Variants in NRXN1 observed in about 807,000 individuals in gnomAD.
NRXN1 encodes neurexin 1.
A neutral mutation model predicts 150.9 loss-of-function variants in NRXN1; 39 were observed. The ratio of observed to expected loss-of-function variants is 0.26; its 90% CI spans 0.20 to 0.34. The LOEUF is 0.34. Ranked by LOEUF, NRXN1 falls within the 10% of genes least tolerant of loss-of-function variation. NRXN1 has a pLI of 1.00. For missense variants in NRXN1, 1,815 were observed against 1,949.9 expected, an observed-to-expected ratio of 0.93 and a Z score of 1.30; for synonymous variants, 924 against 757.0, an observed-to-expected ratio of 1.22 and a Z score of -3.62.
intron 5 of NRXN1, among the ~76,000 whole-genome samples, chr2:50,786,603 G>C (rs535747661): frequency 1.3e-5 from 2 of 152,250 alleles, no homozygotes; most frequent in African/African-American, 4.8e-5. Flanking sequence ...GAACTGGTAA[G>C]TAGATTATTC....
chr2:50,511,792 A>G (rs890005051), intron 12 of NRXN1, among the ~76,000 whole-genome samples: 8 of 152,098 alleles, frequency 5.3e-5, no homozygotes, highest in African/African-American at 1.7e-4. Flanking sequence ...GGATAGAGAG[A>G]GAGACACACA....
At chr2:50,457,352 G>C (rs1573048563) in intron 17 of NRXN1, among the ~76,000 whole-genome samples, 1 of 152,096 alleles carries the variant, frequency 6.6e-6, no homozygotes, top group Non-Finnish European at 1.5e-5. Context: ...GGGAATTTCA[G>C]TTGCATTATT....
chr2:50,550,305 C>A (rs1249025665), intron 9 of NRXN1, among the ~76,000 whole-genome samples: 4 of 152,088 alleles, frequency 2.6e-5, no homozygotes, highest in African/African-American at 9.7e-5. Flanking sequence ...CGGCTCACTG[C>A]AGCCTGGAAC....
At chr2:50,321,209 A>G (rs2076016266) in intron 17 of NRXN1, among the ~76,000 whole-genome samples, 1 of 152,170 alleles carries the variant, frequency 6.6e-6, no homozygotes, top group Non-Finnish European at 1.5e-5. Flanking sequence ...AAACCAGACT[A>G]AGTATCCTGG....
intron 5 of NRXN1, among the ~76,000 whole-genome samples, chr2:50,898,017 G>T (rs73930224): frequency 6.6e-6 from 1 of 152,080 alleles, no homozygotes; most frequent in Non-Finnish European, 1.5e-5. Context: ...AAAATTACAG[G>T]ACAAGTTTAG....
At chr2:50,765,367 A>T (rs1271014652) in intron 5 of NRXN1, among the ~76,000 whole-genome samples, 1 of 152,048 alleles carries the variant, frequency 6.6e-6, no homozygotes, top group Non-Finnish European at 1.5e-5. Flanking sequence ...CCTCTCAGAC[A>T]TCAGGAAGAC....
Position 50,196,299 on chromosome 2 carries a change from A to C in NRXN1, c.3546+40490T>G, listed in dbSNP as rs118140491. ...TGGGGTTCTAATTTCTATAGCTGAGAAATGCCTTTTAGATGCCCTTGTTCT... is the reference window on the plus strand; with the variant it reads ...TGGGGTTCTAATTTCTATAGCTGAGCAATGCCTTTTAGATGCCCTTGTTCT... On this transcript the variant is annotated intron_variant, in intron 18 of 22. Transcript: ENST00000401669. 1.1e-4 allele frequency among the ~76,000 whole-genome samples: 17 copies of C among 152,272 alleles called. No homozygotes were observed. In the East Asian group the frequency reaches 3.3e-3, roughly 29 times the overall value.
At chr2:50,041,858 C>T (rs1448033205) in intron 21 of NRXN1, among the ~76,000 whole-genome samples, 1 of 152,156 alleles carries the variant, frequency 6.6e-6, no homozygotes, top group African/African-American at 2.4e-5. Context: ...AATGATGAGA[C>T]TCTAGTAAAC....
At chr2:50,062,479 T>C (rs1363040) in intron 19 of NRXN1, among the ~76,000 whole-genome samples, 96,274 of 151,948 alleles carry the variant, frequency 0.63, 30,713 homozygotes, top group Middle Eastern at 0.68. Context: ...GTTAATAATA[T>C]TTTATTATCA....
intron 18 of NRXN1, among the ~76,000 whole-genome samples, chr2:50,147,149 G>C (rs1003331797): frequency 1.3e-5 from 2 of 151,744 alleles, no homozygotes; most frequent in Non-Finnish European, 3.0e-5. Flanking sequence ...CAGGAGGTCA[G>C]AGTTTCAGCA....
chr2:50,461,190 T>C (rs2088168592), intron 17 of NRXN1, among the ~76,000 whole-genome samples: 1 of 152,012 alleles, frequency 6.6e-6, no homozygotes, highest in Non-Finnish European at 1.5e-5. Flanking sequence ...TTTCAGCGAA[T>C]GTTTCTAACT....
intron 18 of NRXN1, among the ~76,000 whole-genome samples, chr2:50,160,828 C>G (rs955151345): frequency 6.6e-6 from 1 of 152,102 alleles, no homozygotes; most frequent in Non-Finnish European, 1.5e-5. Flanking sequence ...ATAATGTTTA[C>G]TGTTTAATAC....
intron 8 of NRXN1, among the ~76,000 whole-genome samples, chr2:50,572,729 G>T (rs539763918): frequency 6.6e-6 from 1 of 152,116 alleles, no homozygotes; most frequent in Admixed American, 6.6e-5. Flanking sequence ...CAACCTCTGA[G>T]AACGAAAAGG....
intron 5 of NRXN1, among the ~76,000 whole-genome samples, chr2:50,724,850 G>A (rs561813876): frequency 6.6e-5 from 10 of 151,974 alleles, no homozygotes; most frequent in East Asian, 5.8e-4. Flanking sequence ...CTTTCATGCC[G>A]TGGAAGCTTT....
At chr2:50,221,099 T>C (rs1179496304) in intron 18 of NRXN1, among the ~76,000 whole-genome samples, 3 of 152,062 alleles carry the variant, frequency 2.0e-5, no homozygotes, top group Non-Finnish European at 4.4e-5. Context: ...TTATCTGTGC[T>C]GTGTGTCTTA....
chr2:50,845,322 C>T (rs970351290), intron 5 of NRXN1, among the ~76,000 whole-genome samples: 1 of 152,170 alleles, frequency 6.6e-6, no homozygotes, highest in Non-Finnish European at 1.5e-5. Flanking sequence ...TGAGTACTTA[C>T]TATAATCCAG....
At chr2:50,604,902 C>T (rs36045654) in intron 8 of NRXN1, among the ~76,000 whole-genome samples, 1 of 152,012 alleles carries the variant, frequency 6.6e-6, no homozygotes, top group Admixed American at 6.6e-5. Context: ...TTTTTCAACC[C>T]AAATCCTCAT....
At chr2:50,497,765 C>A (rs561760050) in intron 13 of NRXN1, 51 bp from the exon 14 acceptor site, 1 of 1,508,478 alleles carries the variant, frequency 6.6e-7, no homozygotes. Flanking sequence ...AAGGCACTTT[C>A]AACTTTAGGC....
intron 18 of NRXN1, among the ~76,000 whole-genome samples, chr2:50,177,879 C>T (rs1426421427): frequency 6.9e-6 from 1 of 145,002 alleles, no homozygotes; most frequent in African/African-American, 2.5e-5. Context: ...GATTAAATAC[C>T]TGTTGGAAGA....
Sources: allele counts gnomAD v4.1 joint callset (sites outside exome capture counted in the v4.1 genomes callset), GRCh38; gene constraint gnomAD v4.1.1; transcripts MANE v1.5; gene names NCBI Gene and HGNC (gene_info 2026-07-23, HGNC 2026-07-21).